PRKCE: variants seen among roughly 807,000 people sequenced by gnomAD.
The protein encoded by PRKCE is protein kinase C epsilon.
PRKCE carries 16 observed loss-of-function variants against 85.4 expected under a neutral mutation model. The ratio of observed to expected loss-of-function variants is 0.19; its 90% confidence interval spans 0.13 to 0.28. The LOEUF is 0.28. Ranked by LOEUF, PRKCE falls within the 10% of genes least tolerant of loss-of-function variation. The pLI, the probability that PRKCE is intolerant of heterozygous loss-of-function variation, is 1.00. For synonymous variants in PRKCE, 388 were observed against 371.5 expected (o/e 1.04, Z -0.51); for missense variants, 573 against 975.2 (o/e 0.59, Z 5.49).
chr2:45,671,964 G>A (rs776344148), intron 1 of PRKCE, among the ~76,000 whole-genome samples: 4 of 151,274 alleles, frequency 2.6e-5, no homozygotes, highest in Non-Finnish European at 5.9e-5. Flanking sequence ...TTGGGAGGCT[G>A]AGGCAGGAGG....
At position 46,160,317 on chromosome 2, in the gene PRKCE, T is replaced by C. The variant is rs1677632180; in HGVS notation, c.2067+565T>C. Among the ~76,000 whole-genome samples the C allele has an allele frequency of 5.9e-5, 9 of 152,250 alleles. No homozygotes were observed. In the South Asian group the frequency reaches 1.7e-3, roughly 28 times the overall value. On this transcript the variant is annotated intron_variant, in intron 14 of 14. Coordinates refer to ENST00000306156, the MANE Select transcript of PRKCE (RefSeq NM_005400.3). ...CGCACTCTCCCTTCTGCCTTCCAGA[T>C]TCTCAGGCCTGCTGTGATGCCAGTT...
intron 10 of PRKCE, among the ~76,000 whole-genome samples, chr2:46,083,795 A>G (rs1009172370): frequency 6.6e-6 from 1 of 152,224 alleles, no homozygotes; most frequent in Non-Finnish European, 1.5e-5. Flanking sequence ...ATTCTAATGC[A>G]CAAGTTTAAG....
rs531587854 is a variant in PRKCE, at chr2:45,938,280, G to C, written c.413-38149G>C. Reference sequence around the variant, plus strand: ...AGCTGGTGTAGATGGCTTGGCTGGAGGGGGGCTATCTGGCAATTCAATGCA... The same window carrying C: ...AGCTGGTGTAGATGGCTTGGCTGGACGGGGGCTATCTGGCAATTCAATGCA... On this transcript the variant is annotated intron_variant, in intron 2 of 14. Coordinates refer to ENST00000306156, the MANE Select transcript of PRKCE (RefSeq NM_005400.3). 2.0e-5 allele frequency among the ~76,000 whole-genome samples: 3 copies of C among 151,338 alleles called. No individual in the cohort carries two copies. The South Asian group carries it at 6.3e-4, about 32-fold the overall frequency.
At chr2:45,665,303 G>A (rs1203051380) in intron 1 of PRKCE, among the ~76,000 whole-genome samples, 1 of 152,116 alleles carries the variant, frequency 6.6e-6, no homozygotes, top group African/African-American at 2.4e-5. Flanking sequence ...AGAGCAGGAG[G>A]TCTTGTTCTT....
intron 11 of PRKCE, among the ~76,000 whole-genome samples, chr2:46,100,627 A>G (rs1278035406): frequency 6.6e-6 from 1 of 152,212 alleles, no homozygotes; most frequent in African/African-American, 2.4e-5. Context: ...CATTCATCAG[A>G]AGGGGGTTTC....
chr2:45,888,465 CTTTTTT>C lies in PRKCE; in HGVS notation c.412+45421_412+45426del, dbSNP rs34871432. Among the ~76,000 whole-genome samples the C allele has an allele frequency of 1.6e-4, 12 of 74,762 alleles. 1 individual carries two copies. In the East Asian group the frequency reaches 2.6e-3, roughly 16 times the overall value. The allele number at this position is 74,762 out of a possible 152,430, so 49.0% of individuals were successfully genotyped here. ...TGCAGAAGTAGTATTTCCCAACAGT[CTTTTTT>C]TTTTTTTTTTTTTTTTTTGAGCTGG... On this transcript the variant is annotated intron_variant, in intron 2 of 14. Coordinates refer to ENST00000306156, the MANE Select transcript of PRKCE (RefSeq NM_005400.3).
At chr2:45,958,368 G>C (rs1272682285) in intron 2 of PRKCE, among the ~76,000 whole-genome samples, 5 of 151,436 alleles carry the variant, frequency 3.3e-5, no homozygotes, top group Non-Finnish European at 5.9e-5. Flanking sequence ...AATTAGCCAG[G>C]CGTGGTGGCG....
At chr2:45,967,010 A>G (rs1329936568) in intron 2 of PRKCE, among the ~76,000 whole-genome samples, 1 of 152,162 alleles carries the variant, frequency 6.6e-6, no homozygotes, top group African/African-American at 2.4e-5. Flanking sequence ...AAGATAAAAG[A>G]GAAAGAACCT....
intron 1 of PRKCE, among the ~76,000 whole-genome samples, chr2:45,802,349 C>T (rs1470725749): frequency 6.6e-6 from 1 of 152,062 alleles, no homozygotes; most frequent in African/African-American, 2.4e-5. Context: ...CTAAGAATTC[C>T]AAATACATCT....
At chr2:45,851,328 T>C (rs1421045192) in intron 2 of PRKCE, among the ~76,000 whole-genome samples, 1 of 152,256 alleles carries the variant, frequency 6.6e-6, no homozygotes, top group Non-Finnish European at 1.5e-5. Context: ...CCTATGGCTG[T>C]TAGGCACTTT....
chr2:45,904,311 C>T (rs1696808851), intron 2 of PRKCE, among the ~76,000 whole-genome samples: 1 of 152,050 alleles, frequency 6.6e-6, no homozygotes, highest in Non-Finnish European at 1.5e-5. Context: ...AGTCTTGAAA[C>T]CAAAAGAACT....
chr2:45,836,489 C>T (rs918063064), intron 1 of PRKCE, among the ~76,000 whole-genome samples: 3 of 152,242 alleles, frequency 2.0e-5, no homozygotes, highest in African/African-American at 4.8e-5. Flanking sequence ...TGTATTGCCT[C>T]AATGCTTTCT....
intron 2 of PRKCE, among the ~76,000 whole-genome samples, chr2:45,918,008 C>G (rs1573872441): frequency 6.6e-6 from 1 of 152,252 alleles, no homozygotes; most frequent in Admixed American, 6.5e-5. Flanking sequence ...GGAACTCTAG[C>G]TGGCCCGCTA....
chr2:46,010,725 G>A, intron 10 of PRKCE: 2 of 1,598,430 alleles, frequency 1.3e-6, no homozygotes, highest in Non-Finnish European at 1.7e-6. Flanking sequence ...GTGAAGGGAT[G>A]AGAGAGCTGT....
At chr2:46,174,646 G>GAC in intron 14 of PRKCE, among the ~76,000 whole-genome samples, 1 of 152,142 alleles carries the variant, frequency 6.6e-6, no homozygotes, top group South Asian at 2.1e-4. Context: ...GACACCCAAA[G>GAC]ACACACACAT....
intron 10 of PRKCE, among the ~76,000 whole-genome samples, chr2:46,077,767 C>G (rs1221991949): frequency 6.6e-6 from 1 of 152,058 alleles, no homozygotes; most frequent in Non-Finnish European, 1.5e-5. Flanking sequence ...AATTGACAGG[C>G]AAGTCCCCAG....
chr2:45,796,612 C>T (rs567005764), intron 1 of PRKCE, among the ~76,000 whole-genome samples: 2 of 152,190 alleles, frequency 1.3e-5, no homozygotes, highest in South Asian at 4.1e-4. Context: ...TCTCCACCTG[C>T]AAAATGGGGT....
At position 46,159,659 on chromosome 2, in the gene PRKCE, C is replaced by T. The variant is rs75281681; in HGVS notation, c.1974C>T (p.Gly658=). The change falls in exon 14 of 15, where the codon GGC becomes GGT. Residue 658 remains glycine (G), a synonymous_variant. Transcript: ENST00000306156. This position sits in a 1 kb window ranked among gnomAD's most constrained non-coding sequence, Gnocchi z 4.1. The stretch of plus-strand genomic sequence containing the variant: ...TGGGCTGTGTGGCATCGCAGAATGG[C>T]GAGGACGCCATCAAGCAGCACCCAT... ...KRLGCVASQN[G]EDAIKQHPFF... 1.7e-4 allele frequency: 272 copies of T among 1,599,232 alleles called. 1 individual carries two copies. Among genetic ancestry groups the T allele is most frequent in the Middle Eastern group, 1.2e-3 (7 of 6,082 alleles).
At chr2:45,874,040 A>G (rs956857949) in intron 2 of PRKCE, among the ~76,000 whole-genome samples, 1 of 152,218 alleles carries the variant, frequency 6.6e-6, no homozygotes, top group Admixed American at 6.5e-5. Context: ...TCCCCACCTC[A>G]TAGCAATGTG....
Sources: allele counts gnomAD v4.1 joint callset (sites outside exome capture counted in the v4.1 genomes callset), GRCh38; gene constraint gnomAD v4.1.1; non-coding constraint Gnocchi (gnomAD v3.1); transcripts MANE v1.5; gene names NCBI Gene and HGNC (gene_info 2026-07-23, HGNC 2026-07-21).